MCF2L: variants seen among roughly 807,000 people sequenced by gnomAD.
MCF2L encodes guanine nucleotide exchange factor DBS.
In MCF2L, 97 loss-of-function variants were observed where a neutral mutation model predicts 153.4. That is an observed-to-expected ratio of 0.63 (90% CI 0.54 to 0.75). MCF2L has a LOEUF of 0.75. Ranked by LOEUF, MCF2L falls within the 30% of genes least tolerant of loss-of-function variation. MCF2L has a pLI of 0.00. For synonymous variants in MCF2L, 659 were observed against 632.2 expected (o/e 1.04, Z -0.64); for missense variants, 1,347 against 1,495.2 (o/e 0.90, Z 1.64).
Position 113,064,882 on chromosome 13 carries a change from C to T in MCF2L, c.607-54C>T. 3 of 1,565,276 alleles carry T rather than the reference C, an allele frequency of 1.9e-6. No homozygotes were observed. Among genetic ancestry groups the T allele is most frequent in the Non-Finnish European group, 2.6e-6 (3 of 1,152,328 alleles). ...CCGCCGGTGTCTGCTTTCAGGGCAG[C>T]AGGAGGTGGGTGCAGTGCACAAGGC... On this transcript the variant is annotated intron_variant, in intron 6 of 29. Transcript: ENST00000535094. The surrounding 1 kb of genome is among the most constrained non-coding windows in gnomAD (Gnocchi z 6.0).
intron 4 of MCF2L, among the ~76,000 whole-genome samples, chr13:113,048,951 G>A (rs1378354518): frequency 6.6e-6 from 1 of 152,190 alleles, no homozygotes; most frequent in Non-Finnish European, 1.5e-5. Context: ...ATGGGGAGGG[G>A]GCAGAGTTAG....
chr13:113,046,411 AC>A lies in MCF2L; in HGVS notation c.369+1054del. ...TGCTCCAAGCATTCCCCAGCACCAA[AC>A]CCCAGTGAAGTCAGATTCTCCCAGT... On this transcript the variant is annotated intron_variant, in intron 4 of 29. Coordinates refer to ENST00000535094, the MANE Select transcript of MCF2L (RefSeq NM_001112732.3). The surrounding 1 kb of genome is among the most constrained non-coding windows in gnomAD (Gnocchi z 4.4). 2.3e-6 allele frequency: 1 copy of A among 440,086 alleles called. No individual in the cohort carries two copies. The highest frequency in any genetic ancestry group is 2.6e-5 in the Admixed American group (1 of 38,130). 27.3% of individuals were successfully genotyped at this position (440,086 alleles called of 1,614,324 possible).
intron 2 of MCF2L, among the ~76,000 whole-genome samples, chr13:112,933,762 G>A (rs930656964): frequency 4.6e-5 from 7 of 152,212 alleles, no homozygotes; most frequent in African/African-American, 1.2e-4. Flanking sequence ...CTTGGCCATC[G>A]GTCAGCGAAG....
chr13:112,966,993 A>G (rs1237245990), upstream of MCF2L, among the ~76,000 whole-genome samples: 5 of 152,164 alleles, frequency 3.3e-5, no homozygotes, highest in East Asian at 3.9e-4. The surrounding 1 kb of genome is among the most constrained non-coding windows in gnomAD (Gnocchi z 4.1). Flanking sequence ...GCTGGAGGGC[A>G]CCTGCATGCC....
At position 113,074,570 on chromosome 13, in the gene MCF2L, C is replaced by T. The variant is rs780798675; in HGVS notation, c.1116+7C>T. The T allele has an allele frequency of 6.8e-6, 11 of 1,612,420 alleles. No homozygotes were observed. In the Admixed American group the frequency reaches 8.3e-5, roughly 12 times the overall value. ...CTTCGAGGAGAAATCAGGCGTAAGG[C>T]GGGGTCCCGGCGGGGGCGGCGGGAG... is the stretch of plus-strand genomic sequence containing the variant. On this transcript the variant is annotated splice_region_variant and intron_variant, in intron 10 of 29. Coordinates refer to ENST00000535094, the MANE Select transcript of MCF2L (RefSeq NM_001112732.3). The surrounding 1 kb of genome is among the most constrained non-coding windows in gnomAD (Gnocchi z 4.2).
Position 113,090,218 on chromosome 13 carries a change from G to A in MCF2L, c.2953+490G>A, listed in dbSNP as rs931067718. The A allele has an allele frequency of 4.2e-5, 61 of 1,455,714 alleles. No homozygotes were observed. In the African/African-American group the frequency reaches 5.2e-4, roughly 12 times the overall value. The allele number at this position is 1,455,714 out of a possible 1,614,324, so 90.2% of individuals were successfully genotyped here. A position where few individuals can be genotyped will look rare whatever the true frequency, so the allele number is the denominator to read the frequency against. On this transcript the variant is annotated intron_variant, in intron 26 of 29. Transcript: ENST00000535094. ...ACCGTGGTGGCGTCTGTCATGCATC[G>A]TGTGTGACCATTCGTGCCTCCTTCG... is the stretch of plus-strand genomic sequence containing the variant.
chr13:113,088,491 C>G (rs7986589), intron 24 of MCF2L, 71 bp from the exon 25 acceptor site: 1,582,920 of 1,606,358 alleles, frequency 0.99, 782,173 homozygotes, highest in East Asian at 1. Context: ...CACAGTCCCC[C>G]CATGCGCAAG....
intron 2 of MCF2L, among the ~76,000 whole-genome samples, chr13:113,021,957 C>A (rs924069450): frequency 3.3e-5 from 5 of 152,192 alleles, no homozygotes; most frequent in Non-Finnish European, 5.9e-5. Flanking sequence ...CCAGGCCAGG[C>A]CCCCGTGCGA....
chr13:113,026,442 G>A (rs990845720), intron 3 of MCF2L, among the ~76,000 whole-genome samples: 1 of 152,190 alleles, frequency 6.6e-6, no homozygotes, highest in Non-Finnish European at 1.5e-5. Flanking sequence ...CAGCTTTTTC[G>A]CTCCTGAGCT....
At chr13:112,963,444 T>C (rs1211299944) in intron 2 of MCF2L, among the ~76,000 whole-genome samples, 2 of 152,190 alleles carry the variant, frequency 1.3e-5, no homozygotes, top group East Asian at 3.9e-4. Context: ...GCGGCATGGC[T>C]AGGAGGGAAT....
intron 1 of MCF2L, chr13:113,009,495 C>T (rs2083937339): frequency 6.6e-6 from 1 of 152,218 alleles, no homozygotes; most frequent in Non-Finnish European, 1.5e-5. Flanking sequence ...CAAACAGATC[C>T]TTTAACACAC....
chr13:112,950,048 G>T (rs1014588505), intron 2 of MCF2L, among the ~76,000 whole-genome samples: 1 of 150,362 alleles, frequency 6.7e-6, no homozygotes, highest in African/African-American at 2.4e-5. Flanking sequence ...CAAAAAGGTT[G>T]CAAGATACAA....
Position 113,096,838 on chromosome 13 carries a change from C to A in MCF2L, c.3357C>A (p.Pro1119=). 6.6e-7 allele frequency: 1 copy of A among 1,507,034 alleles called. No individual in the cohort carries two copies. Among genetic ancestry groups the A allele is most frequent in the East Asian group, 2.6e-5 (1 of 38,098 alleles). 93.4% of individuals were successfully genotyped at this position (1,507,034 alleles called of 1,614,324 possible). A position where few individuals can be genotyped will look rare whatever the true frequency, so the allele number is the denominator to read the frequency against. ...SSSCSEGGQA[P]FSDLQG ...GCTGCAGCGAGGGCGGCCAGGCCCC[C>A]TTCTCCGACCTGCAGGGGTAGCGCG... The change falls in exon 30 of 30, where the codon CCC becomes CCA. Residue 1119 remains proline (P), a synonymous_variant. Coordinates refer to ENST00000535094, the MANE Select transcript of MCF2L (RefSeq NM_001112732.3).
chr13:113,033,001 G>GCA (rs2085829311), intron 3 of MCF2L, among the ~76,000 whole-genome samples: 1 of 147,040 alleles, frequency 6.8e-6, no homozygotes, highest in African/African-American at 2.6e-5. Context: ...CCCCCGTGAT[G>GCA]TGAGTGGCCC....
chr13:112,936,155 C>T (rs916919372), intron 2 of MCF2L, among the ~76,000 whole-genome samples: 4 of 151,990 alleles, frequency 2.6e-5, no homozygotes, highest in African/African-American at 9.7e-5. Flanking sequence ...GGGCATGCAC[C>T]TGTAATTCCA....
chr13:112,984,492 C>T (rs1250575181), intron 1 of MCF2L, among the ~76,000 whole-genome samples: 1 of 152,190 alleles, frequency 6.6e-6, no homozygotes, highest in Non-Finnish European at 1.5e-5. Flanking sequence ...CCCGCCTCAG[C>T]CTCCCAAAGT....
chr13:112,962,564 A>G (rs994411005), intron 2 of MCF2L, among the ~76,000 whole-genome samples: 3 of 152,214 alleles, frequency 2.0e-5, no homozygotes, highest in Admixed American at 2.0e-4. Context: ...CACACCTGAC[A>G]GCATGGACAG....
chr13:112,897,691 C>G (rs565402570), intron 1 of MCF2L, among the ~76,000 whole-genome samples: 1 of 152,214 alleles, frequency 6.6e-6, no homozygotes, highest in Admixed American at 6.5e-5. Flanking sequence ...GTGTTTTCTT[C>G]GCAGTCACCA....
chr13:113,041,299 G>A (rs947835312), intron 3 of MCF2L, among the ~76,000 whole-genome samples: 12 of 152,204 alleles, frequency 7.9e-5, no homozygotes, highest in African/African-American at 2.7e-4. Flanking sequence ...GCATAGATCC[G>A]AGCTCCGTGA....
Sources: gnomAD v4.1 joint callset for allele counts (sites outside exome capture counted in the v4.1 genomes callset) on GRCh38, gnomAD v4.1.1 for gene constraint, Gnocchi (gnomAD v3.1) non-coding constraint, MANE v1.5 for transcripts, NCBI Gene and HGNC (gene_info 2026-07-23, HGNC 2026-07-21) for gene names.